Variants in ZNF18 observed in about 807,000 individuals in gnomAD.
ZNF18 encodes heart development-specific gene 1 protein.
In ZNF18, 42 loss-of-function variants were observed where a neutral mutation model predicts 58.1. The ratio of observed to expected loss-of-function variants is 0.72; its 90% CI spans 0.56 to 0.93. ZNF18 has a LOEUF of 0.93. Ranked by LOEUF, ZNF18 falls within the 40% of genes least tolerant of loss-of-function variation. The probability of loss-of-function intolerance (pLI) is 0.00; values close to 1 mark genes in which losing one functional copy is unlikely to be tolerated. For missense variants in ZNF18, 540 were observed against 644.2 expected, an observed-to-expected ratio of 0.84 and a Z score of 1.75; for synonymous variants, 231 against 239.8, an observed-to-expected ratio of 0.96 and a Z score of 0.34.
At chr17:11,995,269 C>G (rs1349387579) in intron 1 of ZNF18, among the ~76,000 whole-genome samples, 1 of 150,672 alleles carries the variant, frequency 6.6e-6, no homozygotes, top group Non-Finnish European at 1.5e-5. Flanking sequence ...ATTAACCGGG[C>G]GTGGTGGTGA....
At chr17:11,996,738 A>G (rs540873245) in intron 1 of ZNF18, 2 of 152,340 alleles carry the variant, frequency 1.3e-5, no homozygotes, top group Admixed American at 6.5e-5. Context: ...ATAAGTAACC[A>G]TTTGTTAAGC....
At chr17:12,011,724 G>A in the ZNF18 span, among the ~76,000 whole-genome samples, 9 of 86,728 alleles carry the variant, frequency 1.0e-4, no homozygotes, top group Admixed American at 3.0e-4. Context: ...TTTTTGAGAC[G>A]GAGTCTAGTT....
chr17:11,980,563 G>T (rs1031642672), intron 6 of ZNF18, among the ~76,000 whole-genome samples: 2 of 152,076 alleles, frequency 1.3e-5, no homozygotes, highest in Non-Finnish European at 2.9e-5. Context: ...TGGGATTACA[G>T]GTGCCCGCCA....
At position 11,983,325 on chromosome 17, in the gene ZNF18, A is replaced by G. The variant is rs1227268160; in HGVS notation, c.834T>C (p.Asn278=). ...EELAGIYLHV[N]EKIPRPTCIG... ...TGCAGGTGGGTCTTGGGATCTTCTC[A>G]TTGACATGAAGGTATATTCCTGCCA... Residue 278 remains asparagine (N), a synonymous_variant, in exon 6 of 7, where the codon AAT becomes AAC. Transcript: ENST00000580306. 6.2e-7 allele frequency: 1 copy of G among 1,614,000 alleles called. No homozygotes were observed. The highest frequency in any genetic ancestry group is 1.3e-5 in the African/African-American group (1 of 75,042).
upstream of ZNF18, chr17:11,997,623 A>T (rs532865325): frequency 2.0e-5 from 3 of 152,226 alleles, no homozygotes; most frequent in Non-Finnish European, 2.9e-5. Flanking sequence ...CTCCACCGAC[A>T]TGGCAGCGAG....
chr17:12,015,734 AT>A, the ZNF18 span, among the ~76,000 whole-genome samples: 1 of 152,068 alleles, frequency 6.6e-6, no homozygotes, highest in East Asian at 1.9e-4. Context: ...AGATATCAGC[AT>A]TATGTCCTGT....
chr17:11,991,171 C>A lies in ZNF18; in HGVS notation c.388-8G>T. ...TAGAACCTGGATACTGATCTAGAGACCATATATTAATTAGTAATTACTGAA... is the reference window on the plus strand; with the variant it reads ...TAGAACCTGGATACTGATCTAGAGAACATATATTAATTAGTAATTACTGAA... On this transcript the variant is annotated splice_polypyrimidine_tract_variant and splice_region_variant and intron_variant, in intron 2 of 6. Transcript: ENST00000580306. 1.9e-6 allele frequency: 3 copies of A among 1,607,802 alleles called. No homozygotes were observed. In the South Asian group the frequency reaches 3.3e-5, roughly 18 times the overall value.
the ZNF18 span, among the ~76,000 whole-genome samples, chr17:12,017,826 G>A: frequency 0.011 from 1,613 of 151,298 alleles, 25 homozygotes; most frequent in African/African-American, 0.037. Context: ...GCAGTGAGCC[G>A]AGATCGCGCC....
chr17:12,016,692 G>T, the ZNF18 span, among the ~76,000 whole-genome samples: 1 of 152,000 alleles, frequency 6.6e-6, no homozygotes, highest in Non-Finnish European at 1.5e-5. Flanking sequence ...ACAGGTTGTG[G>T]GTGTAGTTCT....
the ZNF18 span, among the ~76,000 whole-genome samples, chr17:12,013,200 T>C: frequency 1.3e-5 from 2 of 152,210 alleles, no homozygotes; most frequent in Non-Finnish European, 2.9e-5. Context: ...TCCACCCACC[T>C]GCGCCTCCCA....
At position 11,978,034 on chromosome 17, in the gene ZNF18, A is replaced by G. The variant is rs776526017; in HGVS notation, c.1573T>C (p.Cys525Arg). Reference sequence around the variant, plus strand: ...GAGCTCCAGCTGAAACTTTTCCCACAGTGCGAACATTTATAAGGTTTCTCT... The same window carrying G: ...GAGCTCCAGCTGAAACTTTTCCCACGGTGCGAACATTTATAAGGTTTCTCT... Reference protein sequence around the residue: ...TGEKPYKCSHCGKSFSWSSSL... With the variant: ...TGEKPYKCSHRGKSFSWSSSL... The change falls in exon 7 of 7, where the codon TGT (cysteine) becomes CGT (arginine). Residue 525 changes from cysteine (C) to arginine (R), a missense_variant. By Grantham distance (180) the Cys-to-Arg change is radical. Transcript: ENST00000580306. 3.1e-6 allele frequency: 5 copies of G among 1,609,444 alleles called. No homozygotes were observed. In the Admixed American group the frequency reaches 6.8e-5, roughly 22 times the overall value.
At position 11,983,228 on chromosome 17, in the gene ZNF18, C is replaced by T. The variant is rs1225558334; in HGVS notation, c.862+69G>A. 2.4e-6 allele frequency: 3 copies of T among 1,226,060 alleles called. No individual in the cohort carries two copies. In the Admixed American group the frequency reaches 5.1e-5, roughly 21 times the overall value. The allele number at this position is 1,226,060 out of a possible 1,614,324, so 75.9% of individuals were successfully genotyped here. ...TGCCTCCCCTGACCTCCTTCACCAC[C>T]TCCCCAATCACCTCCAATTTAATGA... On this transcript the variant is annotated intron_variant, in intron 6 of 6. Transcript: ENST00000580306.
intron 4 of ZNF18, among the ~76,000 whole-genome samples, chr17:11,988,334 G>C (rs1967882939): frequency 1.3e-5 from 2 of 152,198 alleles, no homozygotes; most frequent in Non-Finnish European, 1.5e-5. Context: ...TGCCTAGACA[G>C]AGGATCCAGG....
At chr17:11,991,974 G>A (rs1431319119) in intron 2 of ZNF18, among the ~76,000 whole-genome samples, 3 of 152,006 alleles carry the variant, frequency 2.0e-5, no homozygotes, top group Admixed American at 1.3e-4. Context: ...AACGTAGCAC[G>A]CCAGGAGAAG....
chr17:12,020,775 C>T, the ZNF18 span: 14 of 431,578 alleles, frequency 3.2e-5, no homozygotes, highest in Admixed American at 4.6e-5. Flanking sequence ...GTGTCCGGGG[C>T]GTGTCGGAGG....
At chr17:12,012,213 TC>T in the ZNF18 span, among the ~76,000 whole-genome samples, 4 of 152,186 alleles carry the variant, frequency 2.6e-5, no homozygotes, top group Non-Finnish European at 5.9e-5. Flanking sequence ...CATTTCTCCT[TC>T]TTTAAAACAA....
chr17:11,980,801 T>C (rs1387728697), intron 6 of ZNF18, among the ~76,000 whole-genome samples: 3 of 152,222 alleles, frequency 2.0e-5, no homozygotes, highest in African/African-American at 7.2e-5. Context: ...TCTATTTTTA[T>C]ATCAGAATCA....
chr17:11,984,224 C>T (rs759953733), intron 4 of ZNF18, 27 bp from the exon 5 acceptor site: 1 of 1,508,102 alleles, frequency 6.6e-7, no homozygotes, highest in South Asian at 1.2e-5. Context: ...AAAAGCAATA[C>T]AATACCATGA....
Position 11,978,127 on chromosome 17 carries a change from A to AT in ZNF18, c.1479dup (p.Cys494MetfsTer5), listed in dbSNP as rs1261915353. 2.5e-6 allele frequency: 4 copies of AT among 1,614,158 alleles called. No individual in the cohort carries two copies. Among genetic ancestry groups the AT allele is most frequent in the Non-Finnish European group, 3.4e-6 (4 of 1,180,030 alleles). ...ATGAAACTTTTCTCACAGATAGGAC[A>AT]TTTATAGGGTTTCTCTCCTGTGTGG... On this transcript the variant is annotated frameshift_variant, in exon 7 of 7. Transcript: ENST00000580306. LOFTEE classifies it high-confidence loss of function.
Sources: gnomAD v4.1 joint callset for allele counts (sites outside exome capture counted in the v4.1 genomes callset) on GRCh38, gnomAD v4.1.1 for gene constraint, MANE v1.5 for transcripts, NCBI Gene and HGNC (gene_info 2026-07-23, HGNC 2026-07-21) for gene names.